EPHB1: variants seen among roughly 807,000 people sequenced by gnomAD.
The protein encoded by EPHB1 is EPH receptor B1, also known as ephrin type-B receptor 1.
Under a neutral mutation model 94.4 loss-of-function variants are expected in EPHB1, and 30 were observed. The observed-to-expected ratio is 0.32, with a 90% CI of 0.24 to 0.43. EPHB1 has a LOEUF of 0.43. Ranked by LOEUF, EPHB1 falls within the 20% of genes least tolerant of loss-of-function variation. EPHB1 has a pLI of 1.00. For synonymous variants in EPHB1, 522 were observed against 489.1 expected, an observed-to-expected ratio of 1.07 and a Z score of -0.89; for missense variants, 1,055 against 1,308.3, an observed-to-expected ratio of 0.81 and a Z score of 2.99.
chr3:135,032,672 A>G (rs1190812463), intron 3 of EPHB1, among the ~76,000 whole-genome samples: 1 of 152,214 alleles, frequency 6.6e-6, no homozygotes, highest in Non-Finnish European at 1.5e-5. Context: ...TGAGATGGCA[A>G]GATGATCAGT....
At chr3:135,023,832 A>G (rs1046480893) in intron 3 of EPHB1, among the ~76,000 whole-genome samples, 2 of 152,128 alleles carry the variant, frequency 1.3e-5, no homozygotes, top group African/African-American at 2.4e-5. Flanking sequence ...TCTAGCCACT[A>G]TTTTATACCA....
At chr3:135,216,671 C>T (rs549626929) in intron 12 of EPHB1, among the ~76,000 whole-genome samples, 2 of 141,576 alleles carry the variant, frequency 1.4e-5, no homozygotes, top group African/African-American at 2.6e-5. Context: ...TGCAGTGAGC[C>T]GAGATCATGC....
chr3:134,881,940 A>G (rs936888934), intron 1 of EPHB1, among the ~76,000 whole-genome samples: 1 of 152,228 alleles, frequency 6.6e-6, no homozygotes, highest in Non-Finnish European at 1.5e-5. Flanking sequence ...GGGTTAATAA[A>G]GCTTTATTGC....
chr3:135,237,723 A>G (rs1381940805), intron 12 of EPHB1, among the ~76,000 whole-genome samples: 3 of 152,216 alleles, frequency 2.0e-5, no homozygotes, highest in Admixed American at 1.3e-4. Context: ...AGCCCCATGC[A>G]TTCTTCACTG....
At chr3:134,836,853 T>A (rs1024282740) in intron 1 of EPHB1, among the ~76,000 whole-genome samples, 7 of 152,250 alleles carry the variant, frequency 4.6e-5, no homozygotes, top group Non-Finnish European at 8.8e-5. Flanking sequence ...CCTGCTTTTT[T>A]AATTCCCTAG....
intron 2 of EPHB1, among the ~76,000 whole-genome samples, chr3:134,944,003 A>G (rs561209165): frequency 2.0e-5 from 3 of 152,196 alleles, no homozygotes; most frequent in Non-Finnish European, 4.4e-5. Flanking sequence ...TTAAAGTTTT[A>G]ATCAATTCAG....
chr3:134,833,248 G>A (rs1381195371), intron 1 of EPHB1, among the ~76,000 whole-genome samples: 1 of 152,140 alleles, frequency 6.6e-6, no homozygotes, highest in South Asian at 2.1e-4. Context: ...TTGGTCTGCC[G>A]GGGGTGCAAC....
chr3:134,867,280 T>C (rs1410511471), intron 1 of EPHB1, among the ~76,000 whole-genome samples: 1 of 152,206 alleles, frequency 6.6e-6, no homozygotes, highest in Non-Finnish European at 1.5e-5. Context: ...AAGTTATTCA[T>C]TTAGGGGAGG....
intron 3 of EPHB1, among the ~76,000 whole-genome samples, chr3:135,052,909 A>ATATGTGTG (rs1217744067): frequency 1.5e-4 from 10 of 68,850 alleles, no homozygotes; most frequent in African/African-American, 7.7e-4. Context: ...ATATATATAT[A>ATATGTGTG]TGTGTGTGTG....
At chr3:135,138,763 T>C (rs1293004925) in intron 5 of EPHB1, among the ~76,000 whole-genome samples, 1 of 152,262 alleles carries the variant, frequency 6.6e-6, no homozygotes, top group Non-Finnish European at 1.5e-5. Flanking sequence ...TCACTGTTCT[T>C]AATTCAATTT....
rs1171246031 is a variant in EPHB1, at chr3:134,857,679, G to A, written c.58+61990G>A. 3.9e-5 allele frequency among the ~76,000 whole-genome samples: 6 copies of A among 152,094 alleles called. 1 individual carries two copies. The highest frequency in any genetic ancestry group is 8.8e-5 in the Non-Finnish European group (6 of 68,032). On this transcript the variant is annotated intron_variant, in intron 1 of 15. Coordinates refer to ENST00000398015, the MANE Select transcript of EPHB1 (RefSeq NM_004441.5). The stretch of plus-strand genomic sequence containing the variant: ...TTCTGGGAGGCAGTGCTCACCCCAA[G>A]TGACACCTGTCCCAAGTGACACCAA...
chr3:135,168,523 C>A (rs1429195355), intron 9 of EPHB1, among the ~76,000 whole-genome samples: 1 of 152,222 alleles, frequency 6.6e-6, no homozygotes, highest in Non-Finnish European at 1.5e-5. Context: ...TTATGTTGGC[C>A]TGTGCATTAG....
At chr3:134,945,273 A>G (rs2039196313) in intron 2 of EPHB1, among the ~76,000 whole-genome samples, 2 of 152,104 alleles carry the variant, frequency 1.3e-5, no homozygotes, top group Admixed American at 1.3e-4. Flanking sequence ...GAATTTATCA[A>G]TATGTTTATT....
At chr3:135,189,932 T>G (rs1942415236) in intron 10 of EPHB1, among the ~76,000 whole-genome samples, 1 of 152,238 alleles carries the variant, frequency 6.6e-6, no homozygotes, top group South Asian at 2.1e-4. Context: ...CACATGGATA[T>G]TGAGTTGCTA....
At chr3:135,077,794 G>A (rs1213437890) in intron 3 of EPHB1, among the ~76,000 whole-genome samples, 2 of 152,200 alleles carry the variant, frequency 1.3e-5, no homozygotes, top group African/African-American at 4.8e-5. Context: ...GAGCTGCAGA[G>A]GCATTTGTGG....
intron 6 of EPHB1, among the ~76,000 whole-genome samples, chr3:135,161,701 A>G (rs1289435982): frequency 6.6e-6 from 1 of 152,136 alleles, no homozygotes; most frequent in Non-Finnish European, 1.5e-5. Context: ...GTGCTATGTT[A>G]TTTCACCTCT....
rs1261228836 is a variant in EPHB1 at position 135,017,754 on chromosome 3, G to A, written c.805+65702G>A. Among the ~76,000 whole-genome samples the A allele has an allele frequency of 3.9e-5, 6 of 152,210 alleles. No homozygotes were observed. The South Asian group carries it at 8.3e-4, about 21-fold the overall frequency. On this transcript the variant is annotated intron_variant, in intron 3 of 15. Transcript: ENST00000398015. ...GCCCAAGCACCTGGTGGCACTGGGC[G>A]TGTCTTTTTCCTTTGTCTCATTACT...
intron 5 of EPHB1, among the ~76,000 whole-genome samples, chr3:135,151,423 C>T (rs912541876): frequency 6.6e-6 from 1 of 152,140 alleles, no homozygotes; most frequent in African/African-American, 2.4e-5. Context: ...ACCCTGTGCT[C>T]CTGCATCTGC....
chr3:134,969,295 A>G (rs931469050), intron 3 of EPHB1, among the ~76,000 whole-genome samples: 1 of 152,168 alleles, frequency 6.6e-6, no homozygotes, highest in Non-Finnish European at 1.5e-5. Context: ...CTTGTTTGCC[A>G]TCTGTTTATG....
Sources: gnomAD v4.1 joint callset for allele counts (sites outside exome capture counted in the v4.1 genomes callset) on GRCh38, gnomAD v4.1.1 for gene constraint, MANE v1.5 for transcripts, NCBI Gene and HGNC (gene_info 2026-07-23, HGNC 2026-07-21) for gene names.